Variants in MSRA observed in about 807,000 individuals in gnomAD.
The protein encoded by MSRA is mitochondrial peptide methionine sulfoxide reductase.
Under a neutral mutation model 31.3 loss-of-function variants are expected in MSRA, and 54 were observed. The observed-to-expected ratio is 1.73, with a 90% CI of 1.39 to 2.17. MSRA has a LOEUF of 2.17. MSRA is among the 30% of genes most tolerant of loss of function. The probability of loss-of-function intolerance (pLI) is 0.00; values close to 1 mark genes in which losing one functional copy is unlikely to be tolerated. For synonymous variants in MSRA, 169 were observed against 116.5 expected (o/e 1.45, Z -2.90); for missense variants, 507 against 300.9 (o/e 1.69, Z -5.07).
intron 2 of MSRA, among the ~76,000 whole-genome samples, chr8:10,242,997 G>T (rs565204351): frequency 6.6e-6 from 1 of 152,082 alleles, no homozygotes; most frequent in African/African-American, 2.4e-5. Context: ...TCCCTATTAA[G>T]CATTAAAAGG....
intron 1 of MSRA, among the ~76,000 whole-genome samples, chr8:10,123,236 G>A (rs537246348): frequency 6.6e-6 from 1 of 152,162 alleles, no homozygotes; most frequent in African/African-American, 2.4e-5. Flanking sequence ...GTGTGAGATG[G>A]TATCTCATTG....
chr8:10,413,369 T>A (rs998265717), intron 5 of MSRA, among the ~76,000 whole-genome samples: 1 of 152,130 alleles, frequency 6.6e-6, no homozygotes, highest in Non-Finnish European at 1.5e-5. Context: ...AGACAGACTT[T>A]ACAGAATTAG....
rs546141311 is a variant in MSRA at position 10,404,798 on chromosome 8, G to A, written c.544-23350G>A. On this transcript the variant is annotated intron_variant, in intron 5 of 5. Coordinates refer to ENST00000317173, the MANE Select transcript of MSRA (RefSeq NM_012331.5). ...TTCCCCCAGGCCACCCACCTCACTG[G>A]GACCCTTCCATTTTTGGCCGCCAGA... 1.9e-4 allele frequency among the ~76,000 whole-genome samples: 29 copies of A among 152,132 alleles called. No homozygotes were observed. In the South Asian group the frequency reaches 2.9e-3, roughly 15 times the overall value.
intron 5 of MSRA, among the ~76,000 whole-genome samples, chr8:10,388,022 C>G (rs976934155): frequency 1.3e-5 from 2 of 152,140 alleles, no homozygotes; most frequent in Non-Finnish European, 2.9e-5. Context: ...AGTTTGTTCT[C>G]CACCTTCTAG....
chr8:10,103,377 G>A (rs1278260088), intron 1 of MSRA, among the ~76,000 whole-genome samples: 2 of 152,108 alleles, frequency 1.3e-5, no homozygotes, highest in African/African-American at 4.8e-5. Context: ...ATATTGTCAG[G>A]GTTCTTACGG....
At chr8:10,258,362 G>C (rs1798292325) in intron 3 of MSRA, among the ~76,000 whole-genome samples, 1 of 152,194 alleles carries the variant, frequency 6.6e-6, no homozygotes, top group African/African-American at 2.4e-5. Context: ...ACCCAGCTAA[G>C]ACTCACTGGC....
At chr8:10,177,381 G>C (rs1029081604) in intron 1 of MSRA, among the ~76,000 whole-genome samples, 1 of 152,218 alleles carries the variant, frequency 6.6e-6, no homozygotes, top group African/African-American at 2.4e-5. Flanking sequence ...TTTGAATCAA[G>C]ATGCTTATGG....
At chr8:10,412,902 G>C (rs1384114352) in intron 5 of MSRA, among the ~76,000 whole-genome samples, 1 of 152,192 alleles carries the variant, frequency 6.6e-6, no homozygotes, top group African/African-American at 2.4e-5. Context: ...GGCATGATCA[G>C]TTTGGAAAAC....
chr8:10,061,458 T>A (rs1392753676), intron 1 of MSRA, among the ~76,000 whole-genome samples: 1 of 152,146 alleles, frequency 6.6e-6, no homozygotes, highest in South Asian at 2.1e-4. Flanking sequence ...GACAAATAGC[T>A]ATGTACTACT....
intron 1 of MSRA, among the ~76,000 whole-genome samples, chr8:10,190,400 C>T (rs2129053257): frequency 6.6e-6 from 1 of 152,326 alleles, no homozygotes; most frequent in South Asian, 2.1e-4. Flanking sequence ...GGCCTCCTGC[C>T]CCCGTCAGTG....
At chr8:10,148,732 G>T (rs1424810648) in intron 1 of MSRA, among the ~76,000 whole-genome samples, 2 of 140,446 alleles carry the variant, frequency 1.4e-5, no homozygotes, top group Admixed American at 7.2e-5. Context: ...AACCCAGGAG[G>T]TCAGGGCTGC....
At chr8:10,314,044 G>A (rs1801581792) in intron 4 of MSRA, among the ~76,000 whole-genome samples, 3 of 152,102 alleles carry the variant, frequency 2.0e-5, no homozygotes, top group South Asian at 2.1e-4. Flanking sequence ...AAAGGCAAAC[G>A]TACGAAATTT....
At chr8:10,078,532 C>T (rs551238547) in intron 1 of MSRA, among the ~76,000 whole-genome samples, 21 of 152,338 alleles carry the variant, frequency 1.4e-4, no homozygotes, top group African/African-American at 4.3e-4. Flanking sequence ...TTCTGGACAG[C>T]GTCTGCTTCC....
At chr8:10,377,419 C>A (rs1450169101) in intron 5 of MSRA, among the ~76,000 whole-genome samples, 1 of 152,176 alleles carries the variant, frequency 6.6e-6, no homozygotes, top group Non-Finnish European at 1.5e-5. Context: ...AGCAGATAAG[C>A]CAAAGTGTAT....
chr8:10,428,419 A>G lies in MSRA; in HGVS notation c.*107A>G. 2 of 1,216,688 alleles carry G rather than the reference A, an allele frequency of 1.6e-6. No homozygotes were observed. Among genetic ancestry groups the G allele is most frequent in the Non-Finnish European group, 2.3e-6 (2 of 862,420 alleles). 75.4% of individuals were successfully genotyped at this position (1,216,688 alleles called of 1,614,324 possible). A position where few individuals can be genotyped will look rare whatever the true frequency, so the allele number is the denominator to read the frequency against. Reference sequence around the variant, plus strand: ...GTGGCATTTAAAGTGCACAAAGTACAAAGGAATTTATACAGATTGGGTTTA... The same window carrying G: ...GTGGCATTTAAAGTGCACAAAGTACGAAGGAATTTATACAGATTGGGTTTA... On this transcript the variant is annotated 3_prime_UTR_variant, in exon 6 of 6. Coordinates refer to ENST00000317173, the MANE Select transcript of MSRA (RefSeq NM_012331.5).
At chr8:10,071,131 G>C (rs941032723) in intron 1 of MSRA, among the ~76,000 whole-genome samples, 1 of 152,182 alleles carries the variant, frequency 6.6e-6, no homozygotes, top group African/African-American at 2.4e-5. Context: ...AACATATGAA[G>C]GATCTGATTT....
At chr8:10,386,410 A>C (rs1486952350) in intron 5 of MSRA, among the ~76,000 whole-genome samples, 1 of 152,142 alleles carries the variant, frequency 6.6e-6, no homozygotes, top group Non-Finnish European at 1.5e-5. Context: ...AGCAGGAGGG[A>C]AGGGAAGGTT....
At chr8:10,171,391 G>A (rs1805573651) in intron 1 of MSRA, among the ~76,000 whole-genome samples, 1 of 145,454 alleles carries the variant, frequency 6.9e-6, no homozygotes, top group Non-Finnish European at 1.5e-5. Context: ...TTTTAACAGA[G>A]CTTTAAGGAA....
At chr8:10,092,323 C>CT (rs1340932555) in intron 1 of MSRA, among the ~76,000 whole-genome samples, 1 of 151,950 alleles carries the variant, frequency 6.6e-6, no homozygotes, top group Non-Finnish European at 1.5e-5. Context: ...ATTTTATAGC[C>CT]TAACATATTG....
Sources: allele counts gnomAD v4.1 joint callset (sites outside exome capture counted in the v4.1 genomes callset), GRCh38; gene constraint gnomAD v4.1.1; transcripts MANE v1.5; gene names NCBI Gene and HGNC (gene_info 2026-07-23, HGNC 2026-07-21).